The following CLUAP1 variants were observed in gnomAD, a reference collection of about 807,000 sequenced individuals.
CLUAP1 encodes the protein intraflagellar transport 38.
In CLUAP1, 50 loss-of-function variants were observed where a neutral mutation model predicts 55.0. That is an observed-to-expected ratio of 0.91 (90% confidence interval 0.72 to 1.15). The LOEUF (loss-of-function observed/expected upper bound fraction) is 1.15. Among genes scored for constraint, CLUAP1 ranks in the 50% most tolerant of loss-of-function variants. The pLI is 0.00. For missense variants in CLUAP1, 530 were observed against 507.6 expected (o/e 1.04, Z -0.42); for synonymous variants, 195 against 175.4 (o/e 1.11, Z -0.88).
intron 6 of CLUAP1, 42 bp from the exon 7 acceptor site, chr16:3,519,861 T>C (rs750458966): frequency 6.5e-7 from 1 of 1,543,806 alleles, no homozygotes; most frequent in Admixed American, 2.2e-5. Flanking sequence ...AGGATGGCTG[T>C]TTTTATTGCC....
chr16:3,502,807 C>T (rs921117019), intron 1 of CLUAP1, among the ~76,000 whole-genome samples: 6 of 152,082 alleles, frequency 3.9e-5, no homozygotes, highest in African/African-American at 1.4e-4. Context: ...ACGGAGATTT[C>T]GGAATATTTT....
At chr16:3,508,847 T>G (rs1220147557) in intron 4 of CLUAP1, among the ~76,000 whole-genome samples, 1 of 151,940 alleles carries the variant, frequency 6.6e-6, no homozygotes, top group Non-Finnish European at 1.5e-5. Flanking sequence ...CAGAGTGATC[T>G]TAAATCGGGT....
In CLUAP1 at chr16:3,515,481, T is replaced by C. The variant is rs760971142; in HGVS notation, c.496-27T>C. The stretch of plus-strand genomic sequence containing the variant: ...TTTGAGAACTCCTTTTCTGAAAATA[T>C]ACGTAAATGATTTTACTGTTTCCTA... On this transcript the variant is annotated intron_variant, in intron 5 of 11. Coordinates refer to ENST00000576634, the MANE Select transcript of CLUAP1 (RefSeq NM_015041.3). 10 of 1,511,768 alleles carry C rather than the reference T, an allele frequency of 6.6e-6. No homozygotes were observed. In the Admixed American group the frequency reaches 9.6e-5, roughly 14 times the overall value. 93.6% of individuals were successfully genotyped at this position (1,511,768 alleles called of 1,614,324 possible). A position where few individuals can be genotyped will look rare whatever the true frequency, so the allele number is the denominator to read the frequency against.
At chr16:3,520,389 C>CT (rs1264024073) in intron 7 of CLUAP1, among the ~76,000 whole-genome samples, 1 of 151,510 alleles carries the variant, frequency 6.6e-6, no homozygotes, top group African/African-American at 2.4e-5. Flanking sequence ...GGCCCTGACT[C>CT]TAAAAGAAAA....
At chr16:3,500,915 A>G (rs945245354), upstream of CLUAP1, 8 of 795,766 alleles carry the variant, frequency 1.0e-5, no homozygotes, top group Middle Eastern at 1.4e-3. Context: ...GTGCGTATGC[A>G]CGTGCCGCCG....
chr16:3,530,933 A>C (rs1410547021), intron 10 of CLUAP1, among the ~76,000 whole-genome samples: 5 of 152,218 alleles, frequency 3.3e-5, no homozygotes, highest in Admixed American at 2.0e-4. Flanking sequence ...AGCCACAAGA[A>C]CACATTGCCT....
At chr16:3,530,505 C>A in intron 9 of CLUAP1, 63 bp from the exon 10 acceptor site, 1 of 1,155,026 alleles carries the variant, frequency 8.7e-7, no homozygotes, top group Non-Finnish European at 1.3e-6. Flanking sequence ...CCTTACTGGG[C>A]AGAGCTGTTT....
chr16:3,511,646 T>C (rs2037627428), intron 4 of CLUAP1, among the ~76,000 whole-genome samples: 1 of 152,176 alleles, frequency 6.6e-6, no homozygotes, highest in African/African-American at 2.4e-5. Flanking sequence ...AAAGTCCAAG[T>C]AGGAAGCACG....
chr16:3,510,964 G>T (rs1195358129), intron 4 of CLUAP1, among the ~76,000 whole-genome samples: 1 of 152,220 alleles, frequency 6.6e-6, no homozygotes, highest in African/African-American at 2.4e-5. Flanking sequence ...CACACAGATG[G>T]TATTAAAGCC....
chr16:3,533,538 G>C (rs1424345923), intron 11 of CLUAP1: 2 of 229,678 alleles, frequency 8.7e-6, no homozygotes, highest in Non-Finnish European at 1.8e-5. Flanking sequence ...AAGCTGCCTT[G>C]AGCTTTACTG....
At chr16:3,517,853 A>T (rs1335785294) in intron 6 of CLUAP1, among the ~76,000 whole-genome samples, 1 of 152,202 alleles carries the variant, frequency 6.6e-6, no homozygotes, top group Non-Finnish European at 1.5e-5. Context: ...ATGCTCCCAG[A>T]GTGAAAAGGT....
chr16:3,515,465 T>C (rs772747047), intron 5 of CLUAP1, 43 bp from the exon 6 acceptor site: 1 of 1,403,914 alleles, frequency 7.1e-7, no homozygotes. Context: ...TTTTGAGAAC[T>C]CCTTTTCTGA....
chr16:3,496,623 C>A, upstream of CLUAP1: 1 of 532,452 alleles, frequency 1.9e-6, no homozygotes. Context: ...GTCCTACTCT[C>A]CGGTCTTCGC....
chr16:3,532,984 C>A, intron 11 of CLUAP1, 143 bp downstream of exon 11: 2 of 1,331,620 alleles, frequency 1.5e-6, no homozygotes, highest in Non-Finnish European at 2.1e-6. Context: ...AGGGTTTGGC[C>A]TCATGAGGCT....
chr16:3,505,618 G>T (rs1323900873), intron 2 of CLUAP1, among the ~76,000 whole-genome samples: 1 of 151,656 alleles, frequency 6.6e-6, no homozygotes, highest in Non-Finnish European at 1.5e-5. Context: ...ATACCAGGAA[G>T]TCGTGAAAGG....
chr16:3,507,656 AC>A (rs1162799508), intron 3 of CLUAP1, among the ~76,000 whole-genome samples: 1 of 148,556 alleles, frequency 6.7e-6, no homozygotes, highest in African/African-American at 2.5e-5. Context: ...CCAAATAACC[AC>A]TATTTTAAAT....
intron 2 of CLUAP1, among the ~76,000 whole-genome samples, chr16:3,505,620 C>T (rs1447876199): frequency 5.3e-5 from 8 of 151,010 alleles, no homozygotes; most frequent in East Asian, 1.9e-4. Context: ...ACCAGGAAGT[C>T]GTGAAAGGAG....
intron 9 of CLUAP1, among the ~76,000 whole-genome samples, chr16:3,529,339 GATGTGAAATCC>G (rs1238787546): frequency 7.6e-6 from 1 of 131,692 alleles, no homozygotes. Context: ...TGAACCCATG[GATGTGAAATCC>G]ATGGATACAG....
chr16:3,529,697 T>TATA (rs1567440083), intron 9 of CLUAP1, among the ~76,000 whole-genome samples: 5 of 20,594 alleles, frequency 2.4e-4, no homozygotes, highest in Admixed American at 9.6e-4. Context: ...TTATATATTA[T>TATA]ATATTATATA....
Sources: allele counts gnomAD v4.1 joint callset (sites outside exome capture counted in the v4.1 genomes callset), GRCh38; gene constraint gnomAD v4.1.1; transcripts MANE v1.5; gene names NCBI Gene and HGNC (gene_info 2026-07-23, HGNC 2026-07-21).